CFAP20DC: variants seen among roughly 807,000 people sequenced by gnomAD.
CFAP20DC encodes protein CFAP20DC.
In CFAP20DC, 84 loss-of-function variants were observed where a neutral mutation model predicts 101.7. That is an observed-to-expected ratio of 0.83 (90% CI 0.69 to 0.99). The LOEUF (loss-of-function observed/expected upper bound fraction) is 0.99. Ranked by LOEUF, CFAP20DC falls within the 50% of genes least tolerant of loss-of-function variation. The pLI, the probability that CFAP20DC is intolerant of heterozygous loss-of-function variation, is 0.00. For synonymous variants in CFAP20DC, 359 were observed against 351.2 expected (o/e 1.02, Z -0.25); for missense variants, 1,007 against 970.3 (o/e 1.04, Z -0.50).
intron 14 of CFAP20DC, among the ~76,000 whole-genome samples, chr3:58,828,631 A>T (rs2076196040): frequency 6.6e-6 from 1 of 152,136 alleles, no homozygotes; most frequent in South Asian, 2.1e-4. Context: ...TCAACAATAG[A>T]AACTGGGGAC....
rs1247197893 is a variant in CFAP20DC, at chr3:58,867,915, T to G, written c.1037A>C (p.His346Pro). 2 of 1,612,590 alleles carry G rather than the reference T, an allele frequency of 1.2e-6. No individual in the cohort carries two copies. The highest frequency in any genetic ancestry group is 1.7e-6 in the Non-Finnish European group (2 of 1,179,338). ...PIHAANLHIM[H>P]PHPPQEPSAD... ...TGATGGTTCTTGAGGGGGATGCGGA[T>G]GCATAATATGTAGATTGGCTGCTAC... The change falls in exon 10 of 17, where the codon CAT becomes CCT. Residue 346 changes from histidine to proline, a missense_variant. Coordinates refer to ENST00000482387, the MANE Select transcript of CFAP20DC (RefSeq NM_001394063.1).
Position 58,797,127 on chromosome 3 carries a change from G to A in CFAP20DC, c.2237+9268C>T, listed in dbSNP as rs150413107. Reference sequence around the variant, plus strand: ...ACCCTGAGTGTTCACGTGAAAGGAAGAGTCACGTGTCTCTCACTTTCAATC... The same window carrying A: ...ACCCTGAGTGTTCACGTGAAAGGAAAAGTCACGTGTCTCTCACTTTCAATC... On this transcript the variant is annotated intron_variant, in intron 15 of 16. Transcript: ENST00000482387. Among the ~76,000 whole-genome samples the A allele has an allele frequency of 2.0e-5, 3 of 152,264 alleles. No individual in the cohort carries two copies. The East Asian group carries it at 5.8e-4, about 29-fold the overall frequency.
chr3:58,930,988 C>A (rs939943241), intron 5 of CFAP20DC, among the ~76,000 whole-genome samples: 3 of 152,148 alleles, frequency 2.0e-5, no homozygotes, highest in Non-Finnish European at 4.4e-5. Context: ...TCGGGAAGCA[C>A]AAGGGGTCAG....
intron 14 of CFAP20DC, among the ~76,000 whole-genome samples, chr3:58,811,044 G>A (rs1473514684): frequency 6.6e-6 from 1 of 152,122 alleles, no homozygotes; most frequent in Admixed American, 6.6e-5. Flanking sequence ...ACTGCTCAGT[G>A]AAATAAAAGA....
chr3:58,733,271 G>T (rs941685072), intron 3 of CFAP20DC, among the ~76,000 whole-genome samples: 2 of 152,178 alleles, frequency 1.3e-5, no homozygotes, highest in Non-Finnish European at 2.9e-5. Flanking sequence ...GGCAGAGGTT[G>T]CAGTGAGCCA....
chr3:59,031,719 T>C (rs2093998360), intron 4 of CFAP20DC, among the ~76,000 whole-genome samples: 1 of 152,240 alleles, frequency 6.6e-6, no homozygotes, highest in Admixed American at 6.5e-5. Context: ...TGTATATTGA[T>C]AGCTAAAATT....
intron 14 of CFAP20DC, among the ~76,000 whole-genome samples, chr3:58,811,619 C>T (rs1418973931): frequency 6.6e-6 from 1 of 152,072 alleles, no homozygotes; most frequent in Non-Finnish European, 1.5e-5. Flanking sequence ...AAAACCTAGG[C>T]ATTACCATTC....
chr3:58,794,283 A>G (rs2073072340), intron 15 of CFAP20DC: 3 of 450,328 alleles, frequency 6.7e-6, no homozygotes, highest in Non-Finnish European at 1.3e-5. Flanking sequence ...TGTCCTGAGC[A>G]CCAAATTGCA....
chr3:58,716,600 T>G (rs964908144), downstream of CFAP20DC, among the ~76,000 whole-genome samples: 8 of 152,282 alleles, frequency 5.3e-5, no homozygotes, highest in East Asian at 1.5e-3. Flanking sequence ...GGAGAGCATC[T>G]GTAAATTATG....
At chr3:58,755,635 C>T (rs2068891487) in intron 15 of CFAP20DC, among the ~76,000 whole-genome samples, 1 of 152,138 alleles carries the variant, frequency 6.6e-6, no homozygotes, top group African/African-American at 2.4e-5. Flanking sequence ...CAATGTTTTT[C>T]CTTTTCAGCA....
At chr3:58,939,998 C>G (rs2088301749) in intron 4 of CFAP20DC, among the ~76,000 whole-genome samples, 1 of 152,074 alleles carries the variant, frequency 6.6e-6, no homozygotes, top group African/African-American at 2.4e-5. Context: ...AACTACTGAC[C>G]TCAGGTGATC....
intron 4 of CFAP20DC, among the ~76,000 whole-genome samples, chr3:58,965,450 T>C (rs906729630): frequency 6.6e-6 from 1 of 152,142 alleles, no homozygotes; most frequent in Non-Finnish European, 1.5e-5. Flanking sequence ...CAATAAATCT[T>C]TTTTTTAAAT....
chr3:58,940,177 T>C (rs1485448432), intron 4 of CFAP20DC, among the ~76,000 whole-genome samples: 3 of 152,210 alleles, frequency 2.0e-5, no homozygotes, highest in Middle Eastern at 3.2e-3. Context: ...TGTTCATTCA[T>C]ACATTCAACA....
In CFAP20DC at chr3:58,755,586, G is replaced by A. The variant is rs1351786284; in HGVS notation, c.2238-1723C>T. On this transcript the variant is annotated intron_variant, in intron 15 of 16. Coordinates refer to ENST00000482387, the MANE Select transcript of CFAP20DC (RefSeq NM_001394063.1). ...TAGGTGGGAGTTGTGTGAATGTTAC[G>A]AAATGTAAGACACTCACTTCTTAGG... Among the ~76,000 whole-genome samples the A allele has an allele frequency of 5.9e-5, 9 of 152,120 alleles. No homozygotes were observed. The South Asian group carries it at 8.3e-4, about 14-fold the overall frequency.
intron 15 of CFAP20DC, among the ~76,000 whole-genome samples, chr3:58,756,510 A>C (rs559294592): frequency 6.6e-6 from 1 of 152,100 alleles, no homozygotes; most frequent in South Asian, 2.1e-4. Flanking sequence ...TTTGTGTTAC[A>C]TTTTAGGCTT....
chr3:58,853,529 C>G (rs2078455903), intron 12 of CFAP20DC, among the ~76,000 whole-genome samples: 1 of 151,570 alleles, frequency 6.6e-6, no homozygotes, highest in Admixed American at 6.6e-5. Context: ...GAGACACAAC[C>G]AAAAAAGAGA....
At chr3:58,719,779 G>A (rs1396120102) in intron 3 of CFAP20DC, among the ~76,000 whole-genome samples, 1 of 152,236 alleles carries the variant, frequency 6.6e-6, no homozygotes, top group East Asian at 1.9e-4. Flanking sequence ...GAGGCTGAAA[G>A]CACAGAGGTG....
At chr3:58,980,422 A>C (rs2092480416) in intron 4 of CFAP20DC, among the ~76,000 whole-genome samples, 1 of 152,196 alleles carries the variant, frequency 6.6e-6, no homozygotes, top group Non-Finnish European at 1.5e-5. Context: ...TTTTAGACCA[A>C]TATCCTTGAT....
intron 15 of CFAP20DC, among the ~76,000 whole-genome samples, chr3:58,756,767 T>C (rs563532370): frequency 4.7e-4 from 72 of 152,178 alleles, no homozygotes; most frequent in Admixed American, 7.9e-4. Context: ...ACTGAACAGA[T>C]ACATGTCTGT....
Sources: gnomAD v4.1 joint callset for allele counts (sites outside exome capture counted in the v4.1 genomes callset) on GRCh38, gnomAD v4.1.1 for gene constraint, MANE v1.5 for transcripts, NCBI Gene and HGNC (gene_info 2026-07-23, HGNC 2026-07-21) for gene names.